Variants in KIF27 observed in about 807,000 individuals in gnomAD.
KIF27 encodes kinesin-like protein KIF27.
A neutral mutation model predicts 141.8 loss-of-function variants in KIF27; 84 were observed. That is an observed-to-expected ratio of 0.59 (90% CI 0.50 to 0.71). The LOEUF (loss-of-function observed/expected upper bound fraction) is 0.71, where lower values mean the gene tolerates loss of function less well. Ranked by LOEUF, KIF27 falls within the 30% of genes least tolerant of loss-of-function variation. KIF27 has a pLI of 0.00. For missense variants in KIF27, 1,306 were observed against 1,628.4 expected (o/e 0.80, Z 3.41); for synonymous variants, 471 against 569.5 (o/e 0.83, Z 2.46).
intron 13 of KIF27, among the ~76,000 whole-genome samples, chr9:83,866,668 A>G (rs1267526869): frequency 6.6e-6 from 1 of 152,044 alleles, no homozygotes; most frequent in East Asian, 1.9e-4. Context: ...ACAAGGTCAG[A>G]AGTTCGAGAC....
At chr9:83,901,678 T>C (rs1273397178) in intron 4 of KIF27, among the ~76,000 whole-genome samples, 1 of 152,054 alleles carries the variant, frequency 6.6e-6, no homozygotes, top group African/African-American at 2.4e-5. Context: ...ATGGAGACCA[T>C]CCTGGCCAAC....
chr9:83,882,719 T>G (rs1951785411), intron 10 of KIF27, among the ~76,000 whole-genome samples: 1 of 152,170 alleles, frequency 6.6e-6, no homozygotes, highest in African/African-American at 2.4e-5. Flanking sequence ...ATCAGTACTC[T>G]TAGCAGAAAA....
intron 10 of KIF27, among the ~76,000 whole-genome samples, chr9:83,882,164 AC>A (rs201920881): frequency 0.13 from 20,288 of 151,994 alleles, 1,434 homozygotes; most frequent in African/African-American, 0.14. Flanking sequence ...GGAGTTTGAG[AC>A]CAGCCTGTCC....
intron 14 of KIF27, among the ~76,000 whole-genome samples, chr9:83,856,916 A>G (rs2131813746): frequency 6.6e-6 from 1 of 151,702 alleles, no homozygotes. Context: ...CAAAAAAAAA[A>G]AAAAAAAGTA....
Position 83,870,514 on chromosome 9 carries a change from C to A in KIF27, c.2757+5G>T. On this transcript the variant is annotated splice_donor_5th_base_variant and intron_variant, in intron 12 of 17. Transcript: ENST00000297814. Reference sequence around the variant, plus strand: ...ACCAGGAAACACTAAATAGAATTGACAAACCTGGAGATGGTCTATACTTCC... The same window carrying A: ...ACCAGGAAACACTAAATAGAATTGAAAAACCTGGAGATGGTCTATACTTCC... 6.2e-7 allele frequency: 1 copy of A among 1,613,562 alleles called. No homozygotes were observed. The highest frequency in any genetic ancestry group is 8.5e-7 in the Non-Finnish European group (1 of 1,179,686).
chr9:83,903,607 T>A lies in KIF27; in HGVS notation c.911A>T (p.Asp304Val). 1 of 1,614,140 alleles carries A rather than the reference T, an allele frequency of 6.2e-7. No individual in the cohort carries two copies. Among genetic ancestry groups the A allele is most frequent in the Non-Finnish European group, 8.5e-7 (1 of 1,180,024 alleles). The change falls in exon 4 of 18, where the codon GAT (aspartate) becomes GTT (valine). Residue 304 changes from aspartate to valine, a missense_variant. By Grantham distance (152) the Asp-to-Val change is radical. Transcript: ENST00000297814. ...AGTCTTAGCACTGCCTCCCAGAGAA[T>A]CTTTCAGAAGCCGGGTAATTTTAGC... Reference protein sequence around the residue: ...RDAKITRLLKDSLGGSAKTVM... With the variant: ...RDAKITRLLKVSLGGSAKTVM...
At chr9:83,889,873 T>C (rs1299837738) in intron 6 of KIF27, among the ~76,000 whole-genome samples, 1 of 152,210 alleles carries the variant, frequency 6.6e-6, no homozygotes, top group Non-Finnish European at 1.5e-5. Flanking sequence ...TTTTCTATAG[T>C]ACAACATTCT....
chr9:83,866,458 T>C (rs1377680745), intron 13 of KIF27, among the ~76,000 whole-genome samples: 1 of 152,166 alleles, frequency 6.6e-6, no homozygotes, highest in Non-Finnish European at 1.5e-5. Flanking sequence ...TTCCATCTTT[T>C]CTTTTTTTGT....
intron 13 of KIF27, among the ~76,000 whole-genome samples, chr9:83,866,958 C>CCA (rs1554775721): frequency 5.7e-5 from 8 of 140,422 alleles, no homozygotes; most frequent in South Asian, 2.3e-4. Context: ...ACCCCCCCCC[C>CCA]AAAAAAAGAA....
intron 5 of KIF27, 89 bp from the exon 6 acceptor site, chr9:83,891,590 T>A (rs1208145176): frequency 4.1e-5 from 48 of 1,166,444 alleles, no homozygotes; most frequent in Non-Finnish European, 4.7e-5. Context: ...TTGACCAAAA[T>A]CATAACTACT....
chr9:83,844,347 G>T (rs1022445690), intron 16 of KIF27, among the ~76,000 whole-genome samples: 24 of 149,892 alleles, frequency 1.6e-4, no homozygotes, highest in Admixed American at 4.6e-4. Context: ...TATTTATATA[G>T]ATATCTATAT....
chr9:83,915,436 G>C lies in KIF27; in HGVS notation c.156C>G (p.Gly52=). ...AAACTTCATCTTGAGTGGAATTTTT[G>C]CCAAAAACAAAATCAAAAGTGAAGA... The part of the protein sequence containing the change: ...DRVFTFDFVF[G]KNSTQDEVYN... Residue 52 remains glycine (G), a synonymous_variant, in exon 2 of 18, where the codon GGC becomes GGG. Coordinates refer to ENST00000297814, the MANE Select transcript of KIF27 (RefSeq NM_017576.4). The C allele has an allele frequency of 6.2e-7, 1 of 1,613,736 alleles. No individual in the cohort carries two copies. Among genetic ancestry groups the C allele is most frequent in the Non-Finnish European group, 8.5e-7 (1 of 1,179,786 alleles).
At chr9:83,840,205 T>C (rs1282598857) in intron 17 of KIF27, among the ~76,000 whole-genome samples, 1 of 152,200 alleles carries the variant, frequency 6.6e-6, no homozygotes, top group Non-Finnish European at 1.5e-5. Context: ...AAAAGAATTA[T>C]GCTCAAATGT....
rs544615598 is a variant in KIF27, at chr9:83,850,104, A to T, written c.3551T>A (p.Phe1184Tyr). The change falls in exon 16 of 18, where the codon TTC (phenylalanine) becomes TAC (tyrosine). Residue 1184 changes from phenylalanine to tyrosine, a missense_variant. By Grantham distance (22) the Phe-to-Tyr change is conservative. Transcript: ENST00000297814. Reference protein sequence around the residue: ...EQKMQLLLHHFKEQDGEGIME... With the variant: ...EQKMQLLLHHYKEQDGEGIME... The stretch of plus-strand genomic sequence containing the variant: ...CTGTCAAAAGGGGAAGTTACCTTTG[A>T]AATGATGTAATAGCAACTGCATCTT... 3 of 1,613,710 alleles carry T rather than the reference A, an allele frequency of 1.9e-6. No individual in the cohort carries two copies. In the African/African-American group the frequency reaches 4.0e-5, roughly 22 times the overall value.
chr9:83,856,731 C>T (rs1949248223), intron 14 of KIF27, among the ~76,000 whole-genome samples: 1 of 138,460 alleles, frequency 7.2e-6, no homozygotes, highest in Admixed American at 7.5e-5. Flanking sequence ...CAGAGCAAGA[C>T]TCCGTCTCAA....
intron 5 of KIF27, among the ~76,000 whole-genome samples, chr9:83,896,447 T>A (rs1392569707): frequency 2.6e-5 from 4 of 151,912 alleles, no homozygotes; most frequent in Non-Finnish European, 4.4e-5. Context: ...ATTTGAAAAA[T>A]AAAATTTTTT....
chr9:83,870,535 C>A lies in KIF27; in HGVS notation c.2741G>T (p.Ser914Ile). Residue 914 changes from serine (S) to isoleucine (I), a missense_variant, in exon 12 of 18, where the codon AGT becomes ATT. Ser to Ile is a moderately radical substitution (Grantham distance 142). Around this residue, in one of 4 missense-constraint regions of KIF27, gnomAD observed 596 missense variants for 751.6 expected, o/e 0.79. Coordinates refer to ENST00000297814, the MANE Select transcript of KIF27 (RefSeq NM_017576.4). ...NLKRRKGSFG[S>I]IDHLQKLDEQ... is the part of the protein sequence containing the mutation. Reference sequence around the variant, plus strand: ...TTGACAAACCTGGAGATGGTCTATACTTCCAAACGAACCTTTTCTCCTTTT... The same window carrying A: ...TTGACAAACCTGGAGATGGTCTATAATTCCAAACGAACCTTTTCTCCTTTT... 1 of 1,613,834 alleles carries A rather than the reference C, an allele frequency of 6.2e-7. No homozygotes were observed. The highest frequency in any genetic ancestry group is 8.5e-7 in the Non-Finnish European group (1 of 1,179,802).
intron 11 of KIF27, among the ~76,000 whole-genome samples, chr9:83,872,037 G>A (rs1310654078): frequency 2.0e-5 from 3 of 150,264 alleles, no homozygotes; most frequent in African/African-American, 7.3e-5. Flanking sequence ...CAAGAGGTGC[G>A]ATGTTGGCCA....
chr9:83,890,377 C>T (rs1241965719), intron 6 of KIF27, among the ~76,000 whole-genome samples: 1 of 152,116 alleles, frequency 6.6e-6, no homozygotes, highest in Non-Finnish European at 1.5e-5. Flanking sequence ...AAGTACTGAT[C>T]TAACAAATAC....
Sources: gnomAD v4.1 joint callset for allele counts (sites outside exome capture counted in the v4.1 genomes callset) on GRCh38, gnomAD v4.1.1 for gene constraint, gnomAD v4.1.1 regional missense constraint, MANE v1.5 for transcripts, NCBI Gene and HGNC (gene_info 2026-07-23, HGNC 2026-07-21) for gene names.